SYNE1: variants seen among roughly 807,000 people sequenced by gnomAD.
The protein encoded by SYNE1 is spectrin repeat containing nuclear envelope protein 1.
In SYNE1, 616 loss-of-function variants were observed where a neutral mutation model predicts 1,111.0. That is an observed-to-expected ratio of 0.55 (90% CI 0.52 to 0.59). SYNE1 has a LOEUF of 0.59. Among genes scored for constraint, SYNE1 ranks in the 20% least tolerant of loss-of-function variants. The pLI is 0.00. For missense variants in SYNE1, 10,006 were observed against 10,417.0 expected (o/e 0.96, Z 1.72); for synonymous variants, 3,855 against 3,825.8 (o/e 1.01, Z -0.28).
intron 96 of SYNE1, among the ~76,000 whole-genome samples, chr6:152,283,195 G>A (rs2094132982): frequency 6.6e-6 from 1 of 152,120 alleles, no homozygotes; most frequent in African/African-American, 2.4e-5. Context: ...GCCCAAATTT[G>A]TCTCTATATT....
rs59737931 is a variant in SYNE1 at position 152,241,527 on chromosome 6, T to TGTGTGTGTGTGTGTGTGTGTGTGTGA, written c.19893+712_19893+713insTCACACACACACACACACACACACAC. Among the ~76,000 whole-genome samples, 1,067 of 145,066 alleles carry TGTGTGTGTGTGTGTGTGTGTGTGTGA rather than the reference T, an allele frequency of 7.4e-3. 11 individuals are homozygous for TGTGTGTGTGTGTGTGTGTGTGTGTGA. The highest frequency in any genetic ancestry group is 8.5e-3 in the Non-Finnish European group (569 of 66,904). ...GTGTGTGTGTGTGTGTGTGTGTGTG[T>TGTGTGTGTGTGTGTGTGTGTGTGTGA]GTGAAATACGCATTCTTCTACCATG... On this transcript the variant is annotated intron_variant, in intron 107 of 145. Coordinates refer to ENST00000367255, the MANE Select transcript of SYNE1 (RefSeq NM_182961.4).
intron 3 of SYNE1, among the ~76,000 whole-genome samples, chr6:152,555,574 A>G (rs1407726027): frequency 1.3e-5 from 2 of 152,172 alleles, no homozygotes; most frequent in African/African-American, 4.8e-5. Context: ...ATGTATCTTC[A>G]TTGTTAAGCA....
rs377307244 is a variant in SYNE1 at position 152,269,201 on chromosome 6, C to A, written c.18659G>T (p.Arg6220Leu). 1 of 1,614,142 alleles carries A rather than the reference C, an allele frequency of 6.2e-7. No individual in the cohort carries two copies. Among genetic ancestry groups the A allele is most frequent in the South Asian group, 1.1e-5 (1 of 91,076 alleles). ...PGVQEWLAQA[R>L]TTWTQQRQSS... ...CTGCCGCTGCTGGGTCCATGTGGTG[C>A]GAGCTTGGGCCAGCCATTCCTGGAC... The change falls in exon 99 of 146, where the codon CGC (arginine) becomes CTC (leucine). Residue 6220 changes from arginine (R) to leucine (L), a missense_variant. This residue lies in a region of SYNE1 where 2,182 missense variants were observed against 2,287.8 expected (regional missense o/e 0.95). Coordinates refer to ENST00000367255, the MANE Select transcript of SYNE1 (RefSeq NM_182961.4).
At chr6:152,160,432 G>A (rs956497658) in intron 131 of SYNE1, among the ~76,000 whole-genome samples, 1 of 152,166 alleles carries the variant, frequency 6.6e-6, no homozygotes, top group African/African-American at 2.4e-5. Context: ...CTGGACAGGT[G>A]CTGGCTTGGC....
intron 16 of SYNE1, among the ~76,000 whole-genome samples, chr6:152,470,927 A>T (rs1205946365): frequency 1.3e-5 from 2 of 152,208 alleles, no homozygotes; most frequent in African/African-American, 4.8e-5. Context: ...TAATACACTA[A>T]TTACATGTAA....
chr6:152,484,258 A>T (rs1024885303), intron 13 of SYNE1, among the ~76,000 whole-genome samples: 2 of 152,070 alleles, frequency 1.3e-5, no homozygotes, highest in African/African-American at 4.8e-5. Context: ...AGTTCAAGAC[A>T]AATATTCTTA....
chr6:152,224,947 A>G (rs2081154611), intron 116 of SYNE1, among the ~76,000 whole-genome samples: 1 of 147,166 alleles, frequency 6.8e-6, no homozygotes, highest in African/African-American at 2.5e-5. Flanking sequence ...ATATGTATAC[A>G]CATATATATG....
At chr6:152,457,735 GTCTA>G (rs969965561) in intron 22 of SYNE1, among the ~76,000 whole-genome samples, 20 of 151,704 alleles carry the variant, frequency 1.3e-4, no homozygotes, top group East Asian at 1.9e-4. Flanking sequence ...CAAATTATCT[GTCTA>G]TCTATCTATC....
At chr6:152,375,851 A>T (rs1302151800) in intron 58 of SYNE1, among the ~76,000 whole-genome samples, 1 of 152,272 alleles carries the variant, frequency 6.6e-6, no homozygotes, top group African/African-American at 2.4e-5. Flanking sequence ...GTGTGCATTT[A>T]TATAAATGAA....
Position 152,442,085 on chromosome 6 carries a change from C to G in SYNE1, c.3998G>C (p.Arg1333Pro), listed in dbSNP as rs755209418. 1.6e-5 allele frequency: 26 copies of G among 1,614,132 alleles called. No individual in the cohort carries two copies. Among genetic ancestry groups the G allele is most frequent in the Non-Finnish European group, 2.0e-5 (24 of 1,180,044 alleles). Residue 1333 changes from arginine (R) to proline (P), a missense_variant, in exon 31 of 146, where the codon CGC becomes CCC. Arg to Pro is a moderately radical substitution (Grantham distance 103, BLOSUM62 -2). Transcript: ENST00000367255. ...ACTTCCGGCTCCTACCTGGATGCGG[C>G]GTTCCTGCCTCTCCCGGCTGCGCTC... ...GLERSRERQE[R>P]RIQVTLRKWE...
Position 152,608,547 on chromosome 6 carries a change from G to T in SYNE1, c.67+19718C>A, listed in dbSNP as rs75803835. 3.8e-3 allele frequency among the ~76,000 whole-genome samples: 576 copies of T among 152,288 alleles called. 6 individuals are homozygous for T. The highest frequency in any genetic ancestry group is 0.013 in the African/African-American group (522 of 41,552). ...TTACAATTTCATAACTCTGGAGAGG[G>T]TCAGACACTCTAGAATCCAGTCCTA... On this transcript the variant is annotated intron_variant, in intron 3 of 145. Coordinates refer to ENST00000367255, the MANE Select transcript of SYNE1 (RefSeq NM_182961.4).
intron 63 of SYNE1, chr6:152,363,849 G>A (rs2096996458): frequency 4.5e-6 from 2 of 442,598 alleles, no homozygotes; most frequent in Non-Finnish European, 9.1e-6. Flanking sequence ...CCTGCCCTTG[G>A]ATGGGATAAC....
At chr6:152,525,980 CT>C in intron 5 of SYNE1, 99 bp downstream of exon 5, 1 of 1,084,578 alleles carries the variant, frequency 9.2e-7, no homozygotes, top group South Asian at 1.3e-5. Flanking sequence ...AAATAACTTT[CT>C]TTTACCTGGG....
intron 41 of SYNE1, among the ~76,000 whole-genome samples, chr6:152,416,070 G>T (rs770258892): frequency 6.6e-6 from 1 of 152,192 alleles, no homozygotes; most frequent in Non-Finnish European, 1.5e-5. Flanking sequence ...CAAGAGAAAA[G>T]AAGCAGGCAG....
At chr6:152,159,329 G>T (rs548778544) in intron 131 of SYNE1, among the ~76,000 whole-genome samples, 1 of 152,090 alleles carries the variant, frequency 6.6e-6, no homozygotes, top group Non-Finnish European at 1.5e-5. Flanking sequence ...GGGCTCTAAG[G>T]GTTCAAATAG....
At chr6:152,419,479 C>CT (rs2154186561) in intron 40 of SYNE1, 90 bp downstream of exon 40, 1 of 1,343,374 alleles carries the variant, frequency 7.4e-7, no homozygotes, top group African/African-American at 1.5e-5. Flanking sequence ...ACCATTTAAA[C>CT]TTTTTTAAAA....
At chr6:152,531,530 T>C (rs2099201630) in intron 4 of SYNE1, among the ~76,000 whole-genome samples, 1 of 152,212 alleles carries the variant, frequency 6.6e-6, no homozygotes, top group Non-Finnish European at 1.5e-5. Flanking sequence ...AAATGTGCCA[T>C]GTTAATCTTC....
intron 137 of SYNE1, chr6:152,147,369 G>T (rs547221432): frequency 6.6e-6 from 1 of 152,202 alleles, no homozygotes; most frequent in Non-Finnish European, 1.5e-5. Context: ...GCACATCCCT[G>T]AGGAGGGAGG....
intron 131 of SYNE1, among the ~76,000 whole-genome samples, chr6:152,158,119 T>A (rs1297572160): frequency 1.3e-5 from 2 of 152,352 alleles, no homozygotes; most frequent in East Asian, 3.9e-4. Context: ...AGCATTGGAT[T>A]TCCCTGGAGT....
Sources: gnomAD v4.1 joint callset for allele counts (sites outside exome capture counted in the v4.1 genomes callset) on GRCh38, gnomAD v4.1.1 for gene constraint, gnomAD v4.1.1 regional missense constraint, MANE v1.5 for transcripts, NCBI Gene and HGNC (gene_info 2026-07-23, HGNC 2026-07-21) for gene names.